Variants in FOXJ3 observed in about 807,000 individuals in gnomAD.
FOXJ3 encodes the protein forkhead box protein J3.
In FOXJ3, 22 loss-of-function variants were observed where a neutral mutation model predicts 76.1. The ratio of observed to expected loss-of-function variants is 0.29; its 90% CI spans 0.21 to 0.41. FOXJ3 has a LOEUF of 0.41. Among genes scored for constraint, FOXJ3 ranks in the 10% least tolerant of loss-of-function variants. FOXJ3 has a pLI of 1.00. For missense variants in FOXJ3, 613 were observed against 762.1 expected (o/e 0.80, Z 2.30); for synonymous variants, 269 against 261.2 (o/e 1.03, Z -0.29).
intron 2 of FOXJ3, among the ~76,000 whole-genome samples, chr1:42,291,911 T>C (rs986611263): frequency 6.6e-6 from 1 of 151,970 alleles, no homozygotes; most frequent in African/African-American, 2.4e-5. Flanking sequence ...ACAAATAAAA[T>C]ATAGCAAAGA....
intron 4 of FOXJ3, among the ~76,000 whole-genome samples, chr1:42,253,615 G>C (rs1472355944): frequency 1.3e-5 from 2 of 151,886 alleles, no homozygotes; most frequent in African/African-American, 4.8e-5. Flanking sequence ...CCAAAACAGA[G>C]ATATAGATCA....
intron 6 of FOXJ3, among the ~76,000 whole-genome samples, chr1:42,204,923 T>C (rs2124315258): frequency 6.6e-6 from 1 of 152,214 alleles, no homozygotes; most frequent in South Asian, 2.1e-4. Flanking sequence ...ATTAGTGCAA[T>C]GATGTATGTG....
At chr1:42,219,758 T>C (rs1335251405) in intron 5 of FOXJ3, among the ~76,000 whole-genome samples, 1 of 152,112 alleles carries the variant, frequency 6.6e-6, no homozygotes, top group South Asian at 2.1e-4. Context: ...AAGACCTGTC[T>C]CTACAAAAAT....
chr1:42,218,543 T>C (rs72952340), intron 5 of FOXJ3, among the ~76,000 whole-genome samples: 3,833 of 152,316 alleles, frequency 0.025, 161 homozygotes, highest in African/African-American at 0.088. Context: ...TCTTCTCCCT[T>C]ATGTAACTTT....
intron 4 of FOXJ3, among the ~76,000 whole-genome samples, chr1:42,235,694 C>G (rs1648566187): frequency 1.3e-5 from 2 of 152,064 alleles, no homozygotes; most frequent in Admixed American, 1.3e-4. Context: ...TCCCAGGTAG[C>G]TGGGATTACA....
intron 3 of FOXJ3, among the ~76,000 whole-genome samples, chr1:42,268,470 C>T (rs1651635580): frequency 6.6e-6 from 1 of 151,466 alleles, no homozygotes; most frequent in Non-Finnish European, 1.5e-5. Context: ...AAATGCAGAT[C>T]ACAAAAATAA....
At chr1:42,185,252 ATT>A (rs36007346) in intron 11 of FOXJ3, among the ~76,000 whole-genome samples, 6 of 108,274 alleles carry the variant, frequency 5.5e-5, no homozygotes, top group Admixed American at 9.6e-5. Flanking sequence ...AACATACTGA[ATT>A]TTTTTTTTTT....
intron 1 of FOXJ3, among the ~76,000 whole-genome samples, chr1:42,330,438 G>A (rs539872867): frequency 6.6e-6 from 1 of 152,206 alleles, no homozygotes; most frequent in East Asian, 1.9e-4. Context: ...GGGAGTTAGC[G>A]ACCAGCCTGG....
intron 1 of FOXJ3, among the ~76,000 whole-genome samples, chr1:42,312,880 G>A (rs1159899882): frequency 3.3e-5 from 5 of 152,162 alleles, no homozygotes; most frequent in South Asian, 4.1e-4. Flanking sequence ...TATGACAGCA[G>A]CAATGTTCAG....
At chr1:42,225,389 T>A (rs187906429) in intron 5 of FOXJ3, among the ~76,000 whole-genome samples, 8 of 152,228 alleles carry the variant, frequency 5.3e-5, no homozygotes, top group African/African-American at 1.9e-4. Context: ...CTAACAAAAA[T>A]ACTATATATT....
At chr1:42,220,280 C>T (rs1236931873) in intron 5 of FOXJ3, among the ~76,000 whole-genome samples, 3 of 152,040 alleles carry the variant, frequency 2.0e-5, no homozygotes, top group Admixed American at 6.6e-5. Context: ...AAACATACAC[C>T]GTGAGTCTAC....
chr1:42,280,153 CA>C (rs763722597), intron 2 of FOXJ3: 7 of 228,020 alleles, frequency 3.1e-5, no homozygotes, highest in East Asian at 3.6e-4. Context: ...AAAACATGCA[CA>C]AAAAAATATT....
chr1:42,298,491 G>C (rs1374651903), intron 2 of FOXJ3, among the ~76,000 whole-genome samples: 1 of 152,016 alleles, frequency 6.6e-6, no homozygotes, highest in Non-Finnish European at 1.5e-5. Context: ...ATGATCTTTT[G>C]TATTTCTGTG....
intron 2 of FOXJ3, among the ~76,000 whole-genome samples, chr1:42,300,599 A>C (rs1161142344): frequency 6.6e-6 from 1 of 151,960 alleles, no homozygotes; most frequent in Admixed American, 6.6e-5. Context: ...AACACAGCAA[A>C]ACCTTGTCTC....
intron 5 of FOXJ3, among the ~76,000 whole-genome samples, chr1:42,223,780 T>C (rs1045242675): frequency 2.6e-5 from 4 of 152,212 alleles, no homozygotes; most frequent in African/African-American, 9.6e-5. Flanking sequence ...GATGATGAGC[T>C]CACAACAGAA....
intron 1 of FOXJ3, among the ~76,000 whole-genome samples, chr1:42,316,004 G>A (rs1475669435): frequency 1.3e-5 from 2 of 152,136 alleles, no homozygotes; most frequent in Admixed American, 6.5e-5. Context: ...AGAAAAGCAT[G>A]GAATTTCTTT....
intron 4 of FOXJ3, among the ~76,000 whole-genome samples, chr1:42,240,188 T>C (rs1570008045): frequency 6.6e-6 from 1 of 152,304 alleles, no homozygotes; most frequent in East Asian, 1.9e-4. Context: ...AAATTTAGTT[T>C]TTTGTTTGTT....
intron 6 of FOXJ3, among the ~76,000 whole-genome samples, chr1:42,200,406 A>G (rs901977757): frequency 1.4e-4 from 21 of 151,878 alleles, no homozygotes; most frequent in African/African-American, 4.8e-4. Flanking sequence ...TGTGCAACAG[A>G]GCTTTATTGT....
At chr1:42,327,287 C>T (rs758863729) in intron 1 of FOXJ3, among the ~76,000 whole-genome samples, 2 of 152,096 alleles carry the variant, frequency 1.3e-5, no homozygotes, top group Non-Finnish European at 2.9e-5. Flanking sequence ...GACTCACAGA[C>T]CCAACTATCC....
Sources: gnomAD v4.1 joint callset for allele counts (sites outside exome capture counted in the v4.1 genomes callset) on GRCh38, gnomAD v4.1.1 for gene constraint, MANE v1.5 for transcripts, NCBI Gene and HGNC (gene_info 2026-07-23, HGNC 2026-07-21) for gene names.